The following LPP variants were observed in gnomAD, a reference collection of about 807,000 sequenced individuals.
The protein encoded by LPP is LIM domain containing preferred translocation partner in lipoma, also known as lipoma-preferred partner.
LPP carries 38 observed loss-of-function variants against 60.4 expected under a neutral mutation model. That is an observed-to-expected ratio of 0.63 (90% confidence interval 0.49 to 0.83). The LOEUF is 0.83. Among genes scored for constraint, LPP ranks in the 40% least tolerant of loss-of-function variants. The pLI, the probability that LPP is intolerant of heterozygous loss-of-function variation, is 0.00. For synonymous variants in LPP, 328 were observed against 290.8 expected, an observed-to-expected ratio of 1.13 and a Z score of -1.30; for missense variants, 902 against 783.6, an observed-to-expected ratio of 1.15 and a Z score of -1.80.
At chr3:188,521,854 T>A (rs1818963079) in intron 5 of LPP, among the ~76,000 whole-genome samples, 1 of 152,176 alleles carries the variant, frequency 6.6e-6, no homozygotes, top group African/African-American at 2.4e-5. Flanking sequence ...TCTAAGAGTA[T>A]GTGGAAATAC....
At chr3:188,844,880 G>T (rs936213589) in intron 9 of LPP, among the ~76,000 whole-genome samples, 2 of 152,118 alleles carry the variant, frequency 1.3e-5, no homozygotes, top group African/African-American at 4.8e-5. Context: ...GAGGATCTTA[G>T]GTAATACATA....
Position 188,881,546 on chromosome 3 carries a change from C to CA in LPP, c.*7073dup. The CA allele has an allele frequency of 4.6e-6, 1 of 216,158 alleles. No homozygotes were observed. The highest frequency in any genetic ancestry group is 1.9e-4 in the South Asian group (1 of 5,360). 13.4% of individuals were successfully genotyped at this position (216,158 alleles called of 1,614,324 possible). A position where few individuals can be genotyped will look rare whatever the true frequency, so the allele number is the denominator to read the frequency against. On this transcript the variant is annotated 3_prime_UTR_variant, in exon 12 of 12. Transcript: ENST00000617246. Reference sequence around the variant, plus strand: ...TGGAATCACCCAAAGAGAATTTCCCCAAAAAACCTCAGACCCAGAAGTGTA... The same window carrying CA: ...TGGAATCACCCAAAGAGAATTTCCCCAAAAAAACCTCAGACCCAGAAGTGTA...
intron 1 of LPP, among the ~76,000 whole-genome samples, chr3:188,213,450 G>A (rs984900509): frequency 3.3e-5 from 5 of 152,068 alleles, no homozygotes; most frequent in Admixed American, 6.6e-5. Context: ...CTCTCAGTTC[G>A]TTCTCCTTCC....
At chr3:188,661,026 C>A (rs1374038955) in intron 7 of LPP, among the ~76,000 whole-genome samples, 4 of 152,068 alleles carry the variant, frequency 2.6e-5, no homozygotes, top group Admixed American at 6.6e-5. Context: ...CCCCGGTAAC[C>A]CCTGAAATTT....
At chr3:188,373,608 C>A (rs952999648) in intron 3 of LPP, among the ~76,000 whole-genome samples, 3 of 151,850 alleles carry the variant, frequency 2.0e-5, no homozygotes, top group Non-Finnish European at 2.9e-5. Flanking sequence ...TGGATATTAG[C>A]CCTTTGTCAG....
chr3:188,218,770 G>A (rs1714647550), intron 1 of LPP, among the ~76,000 whole-genome samples: 1 of 152,176 alleles, frequency 6.6e-6, no homozygotes, highest in African/African-American at 2.4e-5. Flanking sequence ...AGTGAGATAA[G>A]TGCTATAATA....
rs995614377 is a variant in LPP, at chr3:188,484,813, A to G, written c.306+109A>G. On this transcript the variant is annotated intron_variant, in intron 5 of 11. Transcript: ENST00000617246. ...TCATGAGTGTTTCTGTGCTGGATAA[A>G]CATTTATCCAGAGCCTATTGAGAGC... 7.4e-6 allele frequency: 6 copies of G among 814,028 alleles called. No homozygotes were observed. In the Admixed American group the frequency reaches 1.2e-4, roughly 16 times the overall value. 50.4% of individuals were successfully genotyped at this position (814,028 alleles called of 1,614,324 possible). A position where few individuals can be genotyped will look rare whatever the true frequency, so the allele number is the denominator to read the frequency against.
At chr3:188,694,997 T>G (rs1862939988) in intron 7 of LPP, among the ~76,000 whole-genome samples, 1 of 152,182 alleles carries the variant, frequency 6.6e-6, no homozygotes. Flanking sequence ...AAGCATCCCT[T>G]TCTGGAATTG....
At chr3:188,165,269 TGTC>T in intron 1 of LPP, among the ~76,000 whole-genome samples, 1 of 151,574 alleles carries the variant, frequency 6.6e-6, no homozygotes, top group East Asian at 2.0e-4. Flanking sequence ...GAATAGACTC[TGTC>T]TGTCAGGAAA....
At chr3:188,624,044 C>T (rs1036081907) in intron 7 of LPP, among the ~76,000 whole-genome samples, 1 of 152,296 alleles carries the variant, frequency 6.6e-6, no homozygotes, top group South Asian at 2.1e-4. Context: ...GAAAGTACTG[C>T]TGAGTTCTGA....
At position 188,585,434 on chromosome 3, in the gene LPP, T is replaced by C. The variant is rs780345784; in HGVS notation, c.430-23727T>C. ...GACTTCTGAGCTTGAGCCATATCCT[T>C]GGCAACTGAATGAATTCATGGGGAG... On this transcript the variant is annotated intron_variant, in intron 6 of 11. Transcript: ENST00000617246. 3.3e-5 allele frequency among the ~76,000 whole-genome samples: 5 copies of C among 152,306 alleles called. 1 individual carries two copies. The highest frequency in any genetic ancestry group is 4.4e-5 in the Non-Finnish European group (3 of 68,010).
At chr3:188,719,541 C>A (rs2149847440) in intron 8 of LPP, among the ~76,000 whole-genome samples, 1 of 152,270 alleles carries the variant, frequency 6.6e-6, no homozygotes, top group Middle Eastern at 3.4e-3. Context: ...ATTGAATGTT[C>A]TTTGCTTATT....
At chr3:188,436,811 G>A (rs753225651) in intron 4 of LPP, among the ~76,000 whole-genome samples, 6 of 152,168 alleles carry the variant, frequency 3.9e-5, no homozygotes, top group Non-Finnish European at 7.3e-5. Flanking sequence ...GTTTGTGTAG[G>A]TAAGATTGTC....
Position 188,283,639 on chromosome 3 carries a change from A to T in LPP, c.-66-58024A>T, listed in dbSNP as rs796316027. Among the ~76,000 whole-genome samples, 8 of 152,302 alleles carry T rather than the reference A, an allele frequency of 5.3e-5. 1 individual carries two copies. Among genetic ancestry groups the T allele is most frequent in the African/African-American group, 1.9e-4 (8 of 41,568 alleles). ...AGAAAGAGGATGCGTGATACTAAGG[A>T]AAGAGAAAAAGAGCCAGCCCAGGAC... On this transcript the variant is annotated intron_variant, in intron 2 of 11. Transcript: ENST00000617246.
At chr3:188,281,923 GT>G (rs1463739547) in intron 2 of LPP, among the ~76,000 whole-genome samples, 2 of 152,098 alleles carry the variant, frequency 1.3e-5, no homozygotes, top group Non-Finnish European at 2.9e-5. Flanking sequence ...GCAGTCACAT[GT>G]TTTACTTGTA....
At chr3:188,493,722 G>C (rs751528952) in intron 5 of LPP, among the ~76,000 whole-genome samples, 1 of 152,130 alleles carries the variant, frequency 6.6e-6, no homozygotes, top group Non-Finnish European at 1.5e-5. Context: ...TGGGTTTACA[G>C]GTGTGAGCCA....
chr3:188,584,546 CGTGTGTGTGTGTGTGT>C (rs35156006), intron 6 of LPP: 2 of 147,310 alleles, frequency 1.4e-5, no homozygotes, highest in Admixed American at 6.8e-5. Flanking sequence ...TAATTTTAGT[CGTGTGTGTGTGTGTGT>C]GTGTGTGTGT....
intron 9 of LPP, among the ~76,000 whole-genome samples, chr3:188,798,815 G>A (rs1474012966): frequency 6.6e-6 from 1 of 152,146 alleles, no homozygotes; most frequent in Non-Finnish European, 1.5e-5. Context: ...CTAAGAGAAG[G>A]GAAATTTCAC....
At chr3:188,334,388 G>A (rs1761015064) in intron 2 of LPP, among the ~76,000 whole-genome samples, 1 of 148,202 alleles carries the variant, frequency 6.7e-6, no homozygotes, top group Non-Finnish European at 1.5e-5. Context: ...TATATGACCA[G>A]CAGTGGGATT....
Sources: allele counts gnomAD v4.1 joint callset (sites outside exome capture counted in the v4.1 genomes callset), GRCh38; gene constraint gnomAD v4.1.1; transcripts MANE v1.5; gene names NCBI Gene and HGNC (gene_info 2026-07-23, HGNC 2026-07-21).